Variants in CFAP45 observed in about 807,000 individuals in gnomAD.
CFAP45 encodes the protein cilia- and flagella-associated protein 45.
Under a neutral mutation model 75.6 loss-of-function variants are expected in CFAP45, and 43 were observed. The observed-to-expected ratio is 0.57, with a 90% CI of 0.45 to 0.73. The LOEUF (loss-of-function observed/expected upper bound fraction) is 0.73, where lower values mean the gene tolerates loss of function less well. Among genes scored for constraint, CFAP45 ranks in the 30% least tolerant of loss-of-function variants. The pLI, the probability that CFAP45 is intolerant of heterozygous loss-of-function variation, is 0.00. For missense variants in CFAP45, 689 were observed against 701.5 expected (o/e 0.98, Z 0.20); for synonymous variants, 223 against 244.6 (o/e 0.91, Z 0.82).
In CFAP45 at chr1:159,900,107, C is replaced by T. The variant is rs747268635; in HGVS notation, c.-9G>A. On this transcript the variant is annotated 5_prime_UTR_variant, in exon 1 of 12. Coordinates refer to ENST00000368099, the MANE Select transcript of CFAP45 (RefSeq NM_012337.3). The stretch of plus-strand genomic sequence containing the variant: ...AGGTTCTCCCTCACCATCTCCTCAG[C>T]CACACGCCCTGACTCCGGACTTCTG... 4 of 1,614,160 alleles carry T rather than the reference C, an allele frequency of 2.5e-6. No individual in the cohort carries two copies. Among genetic ancestry groups the T allele is most frequent in the Non-Finnish European group, 2.5e-6 (3 of 1,180,006 alleles).
In CFAP45 at chr1:159,873,100, T is replaced by C. The variant is rs919429612; in HGVS notation, c.1421A>G (p.His474Arg). The change falls in exon 11 of 12, where the codon CAT becomes CGT. Residue 474 changes from histidine to arginine, a missense_variant. Coordinates refer to ENST00000368099, the MANE Select transcript of CFAP45 (RefSeq NM_012337.3). ...CACCTGGCGCCGGAGCTCATTGGCA[T>C]GCTGTAAGCGCCCTGTGGCCTTTTT... ...EEKKATGRLQ[H>R]ANELRRQVRE... 1.9e-6 allele frequency: 3 copies of C among 1,614,212 alleles called. No individual in the cohort carries two copies. Among genetic ancestry groups the C allele is most frequent in the Admixed American group, 3.3e-5 (2 of 60,036 alleles).
At chr1:159,886,329 G>A (rs1186284627) in intron 6 of CFAP45, among the ~76,000 whole-genome samples, 182 bp downstream of exon 6, 1 of 149,928 alleles carries the variant, frequency 6.7e-6, no homozygotes, top group Admixed American at 6.6e-5. Context: ...GCGACAGAGT[G>A]AGACTCCCTC....
chr1:159,890,761 T>TC (rs1478855072), intron 2 of CFAP45, 139 bp from the exon 3 acceptor site: 219 of 586,248 alleles, frequency 3.7e-4, no homozygotes, highest in Non-Finnish European at 5.1e-4. Flanking sequence ...TCTTTTCTTT[T>TC]TTTTTTTTTT....
chr1:159,885,293 T>C (rs1185256229), intron 6 of CFAP45, among the ~76,000 whole-genome samples: 1 of 152,238 alleles, frequency 6.6e-6, no homozygotes, highest in Non-Finnish European at 1.5e-5. Flanking sequence ...GAGCTGTTTA[T>C]GCAGAAGATG....
chr1:159,888,962 T>C (rs1383239746), intron 3 of CFAP45, among the ~76,000 whole-genome samples: 3 of 152,154 alleles, frequency 2.0e-5, no homozygotes, highest in Non-Finnish European at 1.5e-5. Flanking sequence ...TAGCGCTTGG[T>C]ACAGAGTGAG....
rs1649408026 is a variant in CFAP45, at chr1:159,876,599, C to G, written c.1309G>C (p.Val437Leu). Residue 437 changes from valine to leucine, a missense_variant, in exon 10 of 12, where the codon GTT becomes CTT. Coordinates refer to ENST00000368099, the MANE Select transcript of CFAP45 (RefSeq NM_012337.3). ...QVAFKEHALA[V>L]QVQRDRDEFE... is the part of the protein sequence containing the mutation. ...TCATCCCGGTCCCGTTGCACCTGAACAGCCAGAGCGTGCTCCTTGAAAGCC... is the reference window on the plus strand; with the variant it reads ...TCATCCCGGTCCCGTTGCACCTGAAGAGCCAGAGCGTGCTCCTTGAAAGCC... 1 of 1,614,186 alleles carries G rather than the reference C, an allele frequency of 6.2e-7. No individual in the cohort carries two copies. Among genetic ancestry groups the G allele is most frequent in the Non-Finnish European group, 8.5e-7 (1 of 1,180,012 alleles).
chr1:159,893,391 G>A (rs927270424), intron 1 of CFAP45, 86 bp from the exon 2 acceptor site: 3 of 1,340,262 alleles, frequency 2.2e-6, no homozygotes, highest in Non-Finnish European at 3.2e-6. Flanking sequence ...GCCCATGCTG[G>A]GGGAGTGGGT....
At chr1:159,873,231 T>G in intron 10 of CFAP45, 63 bp from the exon 11 acceptor site, 1 of 1,439,230 alleles carries the variant, frequency 6.9e-7, no homozygotes, top group South Asian at 1.2e-5. Flanking sequence ...GGAAAGGTGG[T>G]GGGGGAGCCT....
chr1:159,885,070 G>A (rs1391247517), intron 6 of CFAP45, among the ~76,000 whole-genome samples: 1 of 152,202 alleles, frequency 6.6e-6, no homozygotes, highest in Non-Finnish European at 1.5e-5. Context: ...AGTAAAGGCT[G>A]GAAGAACGGG....
At chr1:159,883,941 A>G (rs1037231803) in intron 7 of CFAP45, among the ~76,000 whole-genome samples, 1 of 152,176 alleles carries the variant, frequency 6.6e-6, no homozygotes, top group African/African-American at 2.4e-5. Flanking sequence ...TGCAATAAAT[A>G]TGCTTACTAA....
chr1:159,872,899 T>C, intron 11 of CFAP45, 45 bp downstream of exon 11: 1 of 1,570,178 alleles, frequency 6.4e-7, no homozygotes, highest in Non-Finnish European at 8.8e-7. Context: ...GCCATCTCTT[T>C]GCGGGAGGGA....
intron 7 of CFAP45, among the ~76,000 whole-genome samples, chr1:159,882,113 C>T (rs1649563742): frequency 1.3e-5 from 2 of 152,298 alleles, no homozygotes; most frequent in South Asian, 4.1e-4. Flanking sequence ...AGCGGTATGG[C>T]AACTCTCTGC....
In CFAP45 at chr1:159,900,159, T is replaced by C. The variant is rs1650043094; in HGVS notation, c.-61A>G. ...TGCCGCCTCGGCGCCGCCAAGGCCCTAGTGTTGACGCGTTACCTTGGCAAC... is the reference window on the plus strand; with the variant it reads ...TGCCGCCTCGGCGCCGCCAAGGCCCCAGTGTTGACGCGTTACCTTGGCAAC... On this transcript the variant is annotated 5_prime_UTR_variant, in exon 1 of 12. Coordinates refer to ENST00000368099, the MANE Select transcript of CFAP45 (RefSeq NM_012337.3). The C allele has an allele frequency of 3.1e-6, 5 of 1,611,400 alleles. No homozygotes were observed. In the South Asian group the frequency reaches 5.5e-5, roughly 18 times the overall value.
At chr1:159,894,957 G>A (rs1649920091) in intron 1 of CFAP45, among the ~76,000 whole-genome samples, 1 of 152,134 alleles carries the variant, frequency 6.6e-6, no homozygotes, top group Non-Finnish European at 1.5e-5. Context: ...AGTGCATCAG[G>A]GTCCTTGCCA....
intron 5 of CFAP45, 44 bp from the exon 6 acceptor site, chr1:159,886,733 G>T (rs774622397): frequency 6.5e-7 from 1 of 1,530,136 alleles, no homozygotes. Context: ...CTAGGGATGT[G>T]TAAGTTTAAG....
At chr1:159,875,757 C>G (rs1649384558) in intron 10 of CFAP45, among the ~76,000 whole-genome samples, 1 of 152,100 alleles carries the variant, frequency 6.6e-6, no homozygotes, top group South Asian at 2.1e-4. Flanking sequence ...CCCAGTTAGA[C>G]CAGGAGAACA....
intron 6 of CFAP45, among the ~76,000 whole-genome samples, chr1:159,885,345 A>G (rs867335632): frequency 6.6e-6 from 1 of 152,224 alleles, no homozygotes; most frequent in South Asian, 2.1e-4. Context: ...CTGGGAACCT[A>G]CTATAGTATA....
chr1:159,892,087 G>T (rs1483328982), intron 2 of CFAP45, among the ~76,000 whole-genome samples: 2 of 150,684 alleles, frequency 1.3e-5, no homozygotes, highest in African/African-American at 2.5e-5. Context: ...AGGAGTTCAA[G>T]ACCAGCATGG....
intron 1 of CFAP45, among the ~76,000 whole-genome samples, chr1:159,896,962 A>G (rs1404469919): frequency 1.3e-5 from 2 of 152,230 alleles, no homozygotes; most frequent in African/African-American, 4.8e-5. Flanking sequence ...TAAAGAAAAC[A>G]GACTGTAAGA....
Sources: allele counts gnomAD v4.1 joint callset (sites outside exome capture counted in the v4.1 genomes callset), GRCh38; gene constraint gnomAD v4.1.1; transcripts MANE v1.5; gene names NCBI Gene and HGNC (gene_info 2026-07-23, HGNC 2026-07-21).